The following PBX3 variants were observed in gnomAD, a reference collection of about 807,000 sequenced individuals.
PBX3 encodes the protein pre-B-cell leukemia transcription factor 3.
A neutral mutation model predicts 48.5 loss-of-function variants in PBX3; 14 were observed. The observed-to-expected ratio is 0.29, with a 90% confidence interval of 0.19 to 0.45. The LOEUF (loss-of-function observed/expected upper bound fraction) is 0.45. Ranked by LOEUF, PBX3 falls within the 20% of genes least tolerant of loss-of-function variation. The probability of loss-of-function intolerance (pLI) is 1.00; values close to 1 mark genes in which losing one functional copy is unlikely to be tolerated. For missense variants in PBX3, 386 were observed against 546.7 expected, an observed-to-expected ratio of 0.71 and a Z score of 2.93; for synonymous variants, 210 against 200.3, an observed-to-expected ratio of 1.05 and a Z score of -0.41.
At chr9:125,814,352 T>G (rs952622137) in intron 2 of PBX3, among the ~76,000 whole-genome samples, 1 of 152,044 alleles carries the variant, frequency 6.6e-6, no homozygotes. Flanking sequence ...TCTTTTTTTT[T>G]GGAATGGTAC....
At chr9:125,763,034 T>C (rs917800180) in intron 2 of PBX3, among the ~76,000 whole-genome samples, 4 of 152,182 alleles carry the variant, frequency 2.6e-5, no homozygotes, top group African/African-American at 9.7e-5. Context: ...GGACACAAAC[T>C]GTGCCATTTA....
chr9:125,960,602 C>T (rs954536895), intron 5 of PBX3, 82 bp from the exon 6 acceptor site: 22 of 1,256,172 alleles, frequency 1.8e-5, no homozygotes, highest in Non-Finnish European at 2.5e-5. Flanking sequence ...CAAGGTATTG[C>T]CTTGGTGTCC....
At chr9:125,758,022 C>T (rs1836567235) in intron 2 of PBX3, among the ~76,000 whole-genome samples, 1 of 152,176 alleles carries the variant, frequency 6.6e-6, no homozygotes, top group Non-Finnish European at 1.5e-5. Context: ...TCCTCGTGTT[C>T]ACCACTTGTT....
At chr9:125,855,803 C>T (rs958342502) in intron 2 of PBX3, among the ~76,000 whole-genome samples, 5 of 152,082 alleles carry the variant, frequency 3.3e-5, no homozygotes, top group Non-Finnish European at 7.4e-5. Context: ...CCTTGTTCCC[C>T]CTTCACGTAT....
chr9:125,779,883 G>A (rs1477537057), intron 2 of PBX3, among the ~76,000 whole-genome samples: 35 of 115,208 alleles, frequency 3.0e-4, no homozygotes, highest in Middle Eastern at 6.0e-3. Flanking sequence ...CTGGCCGGGC[G>A]GGGGGCTGAC....
At chr9:125,861,876 T>C (rs2132291618) in intron 2 of PBX3, among the ~76,000 whole-genome samples, 1 of 152,240 alleles carries the variant, frequency 6.6e-6, no homozygotes, top group Admixed American at 6.5e-5. Flanking sequence ...GTGATGAAAA[T>C]GTTGGAAAAT....
rs34050364 is a variant in PBX3 at position 125,867,640 on chromosome 9, CA to C, written c.275-48029del. Among the ~76,000 whole-genome samples the C allele has an allele frequency of 4.3e-3, 395 of 92,180 alleles. 1 individual carries two copies. Among genetic ancestry groups the C allele is most frequent in the Non-Finnish European group, 4.7e-3 (216 of 46,358 alleles). The allele number at this position is 92,180 out of a possible 152,430, so 60.5% of individuals were successfully genotyped here. ...GGGCAACAAGAGCAAGACTCCATCT[CA>C]AAAAAAAAAAAAAAAACCACAAAAA... On this transcript the variant is annotated intron_variant, in intron 2 of 8. Transcript: ENST00000373489.
intron 2 of PBX3, among the ~76,000 whole-genome samples, chr9:125,890,018 A>G (rs1840603253): frequency 6.6e-6 from 1 of 151,898 alleles, no homozygotes; most frequent in East Asian, 1.9e-4. Flanking sequence ...TTGCCCGCCG[A>G]CCTTGTGCCC....
intron 3 of PBX3, among the ~76,000 whole-genome samples, chr9:125,919,359 A>ATTTTTT (rs34891465): frequency 2.0e-4 from 21 of 102,756 alleles, no homozygotes; most frequent in African/African-American, 6.5e-4. Flanking sequence ...TGCCCGTCTA[A>ATTTTTT]TTTTTTTTTT....
chr9:125,801,106 A>T (rs527339579), intron 2 of PBX3, among the ~76,000 whole-genome samples: 1 of 152,328 alleles, frequency 6.6e-6, no homozygotes, highest in African/African-American at 2.4e-5. Flanking sequence ...CATATGCTAG[A>T]CATTCAATGA....
At chr9:125,816,474 G>A (rs1174133933) in intron 2 of PBX3, among the ~76,000 whole-genome samples, 1 of 152,208 alleles carries the variant, frequency 6.6e-6, no homozygotes, top group Admixed American at 6.5e-5. Flanking sequence ...CTTTTACATT[G>A]TTCGGAGTGA....
rs562262952 is a variant in PBX3 at position 125,887,390 on chromosome 9, C to T, written c.275-28296C>T. On this transcript the variant is annotated intron_variant, in intron 2 of 8. Coordinates refer to ENST00000373489, the MANE Select transcript of PBX3 (RefSeq NM_006195.6). The stretch of plus-strand genomic sequence containing the variant: ...TAATTGATGGCTAAAGAAAAGCACA[C>T]GCTATGCTAATCATTTGTTAGAATA... 5.3e-5 allele frequency among the ~76,000 whole-genome samples: 8 copies of T among 152,196 alleles called. No homozygotes were observed. The South Asian group carries it at 1.0e-3, about 20-fold the overall frequency.
At chr9:125,874,585 T>C (rs1435969995) in intron 2 of PBX3, among the ~76,000 whole-genome samples, 1 of 152,130 alleles carries the variant, frequency 6.6e-6, no homozygotes. Context: ...AATTGACAAT[T>C]TAACTCTACC....
chr9:125,757,466 G>C lies in PBX3; in HGVS notation c.274+8843G>C, dbSNP rs909954421. Among the ~76,000 whole-genome samples, 4 of 152,262 alleles carry C rather than the reference G, an allele frequency of 2.6e-5. No individual in the cohort carries two copies. The East Asian group carries it at 5.8e-4, about 22-fold the overall frequency. The stretch of plus-strand genomic sequence containing the variant: ...AATTGTTCACAGACATTACTCTGTA[G>C]TTGGTCCAGATTATTTATAATGTTG... On this transcript the variant is annotated intron_variant, in intron 2 of 8. Transcript: ENST00000373489.
intron 2 of PBX3, among the ~76,000 whole-genome samples, chr9:125,834,770 C>G (rs534428020): frequency 4.7e-5 from 7 of 150,330 alleles, no homozygotes; most frequent in Non-Finnish European, 7.4e-5. Context: ...AATCGCAGCA[C>G]TTTGGGAGGC....
chr9:125,876,994 G>A (rs920696360), intron 2 of PBX3, among the ~76,000 whole-genome samples: 17 of 151,788 alleles, frequency 1.1e-4, no homozygotes, highest in African/African-American at 2.9e-4. Context: ...GGCTGGTCTC[G>A]AACTCCTGAC....
At chr9:125,850,715 G>A (rs1839554651) in intron 2 of PBX3, among the ~76,000 whole-genome samples, 1 of 151,930 alleles carries the variant, frequency 6.6e-6, no homozygotes, top group South Asian at 2.1e-4. Flanking sequence ...GTCTAAATAA[G>A]CACATGAATT....
chr9:125,906,265 G>A (rs77393252), intron 2 of PBX3, among the ~76,000 whole-genome samples: 3,233 of 152,024 alleles, frequency 0.021, 174 homozygotes, highest in East Asian at 0.17. Flanking sequence ...ACTTTATGCT[G>A]TGCTGTTACA....
chr9:125,751,304 A>G (rs1012680803), intron 2 of PBX3, among the ~76,000 whole-genome samples: 1 of 152,200 alleles, frequency 6.6e-6, no homozygotes, highest in Non-Finnish European at 1.5e-5. Context: ...CTAAAACAAA[A>G]CAAAATCATT....
Sources: allele counts gnomAD v4.1 joint callset (sites outside exome capture counted in the v4.1 genomes callset), GRCh38; gene constraint gnomAD v4.1.1; transcripts MANE v1.5; gene names NCBI Gene and HGNC (gene_info 2026-07-23, HGNC 2026-07-21).